Variants in ADGRL2 observed in about 807,000 individuals in gnomAD.
The protein encoded by ADGRL2 is adhesion G protein-coupled receptor L2, also known as calcium-independent alpha-latrotoxin receptor 2.
A neutral mutation model predicts 157.4 loss-of-function variants in ADGRL2; 44 were observed. The observed-to-expected ratio is 0.28, with a 90% CI of 0.22 to 0.36. The LOEUF is 0.36. Ranked by LOEUF, ADGRL2 falls within the 10% of genes least tolerant of loss-of-function variation. The pLI, the probability that ADGRL2 is intolerant of heterozygous loss-of-function variation, is 1.00. For synonymous variants in ADGRL2, 585 were observed against 624.7 expected, an observed-to-expected ratio of 0.94 and a Z score of 0.95; for missense variants, 1,510 against 1,768.9, an observed-to-expected ratio of 0.85 and a Z score of 2.63.
At chr1:81,894,104 C>CT (rs1223173903) in intron 2 of ADGRL2, among the ~76,000 whole-genome samples, 1 of 152,088 alleles carries the variant, frequency 6.6e-6, no homozygotes, top group African/African-American at 2.4e-5. Flanking sequence ...ACTGGATGGA[C>CT]TTTCTGTAGT....
chr1:81,424,828 G>C (rs1438253537), intron 1 of ADGRL2, among the ~76,000 whole-genome samples: 1 of 152,134 alleles, frequency 6.6e-6, no homozygotes, highest in African/African-American at 2.4e-5. Context: ...CATAGCAGTT[G>C]CAAGGGTATT....
chr1:81,884,288 T>A (rs1279205264), intron 2 of ADGRL2, among the ~76,000 whole-genome samples: 1 of 152,174 alleles, frequency 6.6e-6, no homozygotes, highest in East Asian at 1.9e-4. Flanking sequence ...ACTGCCTTCC[T>A]TTTTGCCCAG....
chr1:81,427,266 G>C (rs1438112824), intron 1 of ADGRL2: 19 of 746,586 alleles, frequency 2.5e-5, no homozygotes, highest in Non-Finnish European at 4.7e-5. Context: ...AGTTATGAAG[G>C]AGGTGATGGT....
At chr1:81,915,191 T>C (rs1001072422) in intron 3 of ADGRL2, among the ~76,000 whole-genome samples, 2 of 152,026 alleles carry the variant, frequency 1.3e-5, no homozygotes, top group African/African-American at 4.8e-5. Flanking sequence ...TCCTCCCACC[T>C]CAGTCTCCCG....
intron 2 of ADGRL2, among the ~76,000 whole-genome samples, chr1:81,505,297 C>T (rs1028491542): frequency 4.0e-5 from 6 of 151,454 alleles, no homozygotes; most frequent in East Asian, 2.0e-4. Flanking sequence ...GCATCTGGGA[C>T]GTGGTGCCAG....
At chr1:81,691,939 C>A (rs577341802) in intron 3 of ADGRL2, among the ~76,000 whole-genome samples, 1 of 139,854 alleles carries the variant, frequency 7.2e-6, no homozygotes, top group Admixed American at 7.7e-5. Flanking sequence ...TATACACATA[C>A]AGATATCTAT....
At chr1:81,877,597 A>G (rs2093873736) in intron 2 of ADGRL2, among the ~76,000 whole-genome samples, 1 of 152,138 alleles carries the variant, frequency 6.6e-6, no homozygotes, top group South Asian at 2.1e-4. Flanking sequence ...ATTTAAATAC[A>G]TAGCATTTAT....
intron 3 of ADGRL2, among the ~76,000 whole-genome samples, chr1:81,599,741 A>G (rs2081301866): frequency 6.6e-6 from 1 of 152,108 alleles, no homozygotes; most frequent in Admixed American, 6.5e-5. Flanking sequence ...TGCTCTCTCC[A>G]TTTTTCAGAT....
chr1:81,408,914 A>T (rs2076903034), intron 1 of ADGRL2, among the ~76,000 whole-genome samples: 1 of 152,194 alleles, frequency 6.6e-6, no homozygotes. Context: ...ATGACTTTCT[A>T]TTTCTTTGGA....
intron 1 of ADGRL2, chr1:81,427,240 T>C (rs1570937826): frequency 2.6e-6 from 2 of 763,084 alleles, no homozygotes; most frequent in East Asian, 2.4e-5. Flanking sequence ...CTGGTGGAGG[T>C]GGTGGCAGCG....
intron 2 of ADGRL2, among the ~76,000 whole-genome samples, chr1:81,884,854 T>C (rs2094087725): frequency 6.6e-6 from 1 of 152,178 alleles, no homozygotes; most frequent in South Asian, 2.1e-4. Flanking sequence ...ATTGCTTATA[T>C]TATATAGTAG....
At chr1:81,836,550 A>T (rs968930877) in intron 1 of ADGRL2, among the ~76,000 whole-genome samples, 8 of 152,104 alleles carry the variant, frequency 5.3e-5, no homozygotes, top group African/African-American at 1.9e-4. Context: ...GGAGAACTGG[A>T]TCCATAGGGG....
At chr1:81,474,979 T>TA in intron 2 of ADGRL2, among the ~76,000 whole-genome samples, 1 of 152,242 alleles carries the variant, frequency 6.6e-6, no homozygotes, top group South Asian at 2.1e-4. Flanking sequence ...AGAAAACATT[T>TA]TGATAGGTGG....
At chr1:81,509,000 T>C (rs1214327830) in intron 2 of ADGRL2, among the ~76,000 whole-genome samples, 2 of 152,224 alleles carry the variant, frequency 1.3e-5, no homozygotes, top group Non-Finnish European at 2.9e-5. Context: ...TTTTAATGTA[T>C]GCAGTATCAT....
intron 1 of ADGRL2, among the ~76,000 whole-genome samples, chr1:81,730,436 G>GCTTA (rs10628915): frequency 0.085 from 12,954 of 152,134 alleles, 581 homozygotes; most frequent in South Asian, 0.14. Context: ...AACAGATAGT[G>GCTTA]CTTAGTGCAG....
At chr1:81,964,862 C>A (rs984774717) in intron 11 of ADGRL2, among the ~76,000 whole-genome samples, 1 of 151,804 alleles carries the variant, frequency 6.6e-6, no homozygotes, top group South Asian at 2.1e-4. Flanking sequence ...TCATATAATT[C>A]CTTAGATTTC....
At chr1:81,681,451 T>C (rs2083111537) in intron 3 of ADGRL2, among the ~76,000 whole-genome samples, 1 of 152,234 alleles carries the variant, frequency 6.6e-6, no homozygotes, top group Middle Eastern at 3.2e-3. Flanking sequence ...CAGCAATATG[T>C]GTGGATAAAG....
At chr1:81,689,222 T>A (rs902677573) in intron 3 of ADGRL2, among the ~76,000 whole-genome samples, 1 of 152,250 alleles carries the variant, frequency 6.6e-6, no homozygotes, top group African/African-American at 2.4e-5. Context: ...AGTTTACACT[T>A]TAAGTTGGCC....
At chr1:81,560,947 C>G (rs558164966) in intron 2 of ADGRL2, among the ~76,000 whole-genome samples, 1 of 152,168 alleles carries the variant, frequency 6.6e-6, no homozygotes, top group Non-Finnish European at 1.5e-5. Context: ...GCACCAGACA[C>G]AATCCCGCCT....
Sources: gnomAD v4.1 joint callset for allele counts (sites outside exome capture counted in the v4.1 genomes callset) on GRCh38, gnomAD v4.1.1 for gene constraint, MANE v1.5 for transcripts, NCBI Gene and HGNC (gene_info 2026-07-23, HGNC 2026-07-21) for gene names.